ADCY2: variants seen among roughly 807,000 people sequenced by gnomAD.
ADCY2 encodes adenylate cyclase 2.
ADCY2 carries 31 observed loss-of-function variants against 125.2 expected under a neutral mutation model. That is an observed-to-expected ratio of 0.25 (90% CI 0.19 to 0.33). The LOEUF is 0.33. Ranked by LOEUF, ADCY2 falls within the 10% of genes least tolerant of loss-of-function variation. The pLI, the probability that ADCY2 is intolerant of heterozygous loss-of-function variation, is 1.00. For missense variants in ADCY2, 904 were observed against 1,418.2 expected, an observed-to-expected ratio of 0.64 and a Z score of 5.82; for synonymous variants, 512 against 548.4, an observed-to-expected ratio of 0.93 and a Z score of 0.93.
intron 16 of ADCY2, among the ~76,000 whole-genome samples, chr5:7,760,976 C>T (rs1466329026): frequency 6.6e-6 from 1 of 151,966 alleles, no homozygotes; most frequent in Non-Finnish European, 1.5e-5. Context: ...TGTTTTATTC[C>T]ACGTATGAGA....
intron 2 of ADCY2, among the ~76,000 whole-genome samples, chr5:7,465,855 G>A (rs1003742472): frequency 1.3e-5 from 2 of 152,132 alleles, no homozygotes; most frequent in African/African-American, 2.4e-5. Context: ...ATTGAAGAGG[G>A]GGTGTTACAT....
chr5:7,757,634 T>C lies in ADCY2; in HGVS notation c.2094+48T>C, dbSNP rs760741738. 1.0e-5 allele frequency: 16 copies of C among 1,598,052 alleles called. 1 individual carries two copies. The South Asian group carries it at 1.1e-4, about 11-fold the overall frequency. On this transcript the variant is annotated intron_variant, in intron 16 of 24. Transcript: ENST00000338316. ...GTTCAACATGGTAAGCCCCAGAGCA[T>C]GGCCGTGTTCAACATGGTAAGCCCC...
intron 2 of ADCY2, among the ~76,000 whole-genome samples, chr5:7,465,143 G>A (rs1023851067): frequency 3.3e-5 from 5 of 152,152 alleles, no homozygotes; most frequent in Non-Finnish European, 7.3e-5. Flanking sequence ...CACAACACGT[G>A]GGAATTATGG....
At chr5:7,539,133 G>T (rs1189444663) in intron 3 of ADCY2, among the ~76,000 whole-genome samples, 1 of 152,002 alleles carries the variant, frequency 6.6e-6, no homozygotes, top group Non-Finnish European at 1.5e-5. Flanking sequence ...AAAGTGCTGG[G>T]ATGACAGGTG....
intron 3 of ADCY2, among the ~76,000 whole-genome samples, chr5:7,606,090 C>T (rs1049450920): frequency 6.6e-6 from 1 of 151,064 alleles, no homozygotes; most frequent in Non-Finnish European, 1.5e-5. Context: ...TTGTCTTTGG[C>T]TCTGTTTATA....
chr5:7,608,215 CTA>C (rs892142502), intron 3 of ADCY2, among the ~76,000 whole-genome samples: 1 of 152,160 alleles, frequency 6.6e-6, no homozygotes, highest in Non-Finnish European at 1.5e-5. Flanking sequence ...TAAATTGTCT[CTA>C]TAGTAAGAAA....
At chr5:7,713,387 G>A (rs780154569) in intron 11 of ADCY2, among the ~76,000 whole-genome samples, 1 of 151,906 alleles carries the variant, frequency 6.6e-6, no homozygotes, top group Non-Finnish European at 1.5e-5. Flanking sequence ...CCAGCTACTC[G>A]GGAGGCTGAG....
intron 19 of ADCY2, among the ~76,000 whole-genome samples, chr5:7,785,450 A>G (rs1045479599): frequency 2.0e-5 from 3 of 152,118 alleles, no homozygotes; most frequent in Admixed American, 2.0e-4. Flanking sequence ...GTCCTGCTGC[A>G]AAGCTGTTTG....
intron 3 of ADCY2, among the ~76,000 whole-genome samples, chr5:7,535,127 G>A (rs1185573702): frequency 7.2e-5 from 11 of 152,192 alleles, no homozygotes; most frequent in African/African-American, 1.9e-4. Flanking sequence ...CGCAACCTCC[G>A]CCTCTCAGGT....
chr5:7,593,132 G>A (rs186712367), intron 3 of ADCY2, among the ~76,000 whole-genome samples: 29 of 152,284 alleles, frequency 1.9e-4, no homozygotes, highest in African/African-American at 6.7e-4. Flanking sequence ...TGGGGGATGA[G>A]CGCAAATCGA....
At chr5:7,710,032 A>C (rs1394590729) in intron 10 of ADCY2, among the ~76,000 whole-genome samples, 1 of 152,214 alleles carries the variant, frequency 6.6e-6, no homozygotes, top group Non-Finnish European at 1.5e-5. Context: ...GTAAAATTTC[A>C]TGTATAATGC....
At chr5:7,720,156 C>A (rs1579353938) in intron 12 of ADCY2, among the ~76,000 whole-genome samples, 1 of 151,988 alleles carries the variant, frequency 6.6e-6, no homozygotes. Context: ...ACACACATTC[C>A]CTCTCCCTTC....
intron 4 of ADCY2, among the ~76,000 whole-genome samples, chr5:7,666,799 C>G (rs1465981231): frequency 6.6e-6 from 1 of 152,216 alleles, no homozygotes; most frequent in Non-Finnish European, 1.5e-5. Context: ...TCCATCCTCT[C>G]CCACTGTGGG....
intron 2 of ADCY2, among the ~76,000 whole-genome samples, chr5:7,498,715 T>C (rs1400374965): frequency 6.6e-6 from 1 of 152,200 alleles, no homozygotes. Context: ...ATCAAAGATA[T>C]GTACAAGAAT....
intron 3 of ADCY2, among the ~76,000 whole-genome samples, chr5:7,523,128 G>A (rs1472531): frequency 0.091 from 13,807 of 152,036 alleles, 728 homozygotes; most frequent in South Asian, 0.24. Context: ...TGGTGCAGAT[G>A]TAATAGGACA....
At position 7,567,253 on chromosome 5, in the gene ADCY2, A is replaced by C. The variant is rs1004647908; in HGVS notation, c.570+46354A>C. On this transcript the variant is annotated intron_variant, in intron 3 of 24. Transcript: ENST00000338316. ...TGAGGGGCAGTAGTTCTTGATGCTT[A>C]TGTATTTTGAATTAGCTCCCAAGAA... Among the ~76,000 whole-genome samples, 153 of 152,282 alleles carry C rather than the reference A, an allele frequency of 1.0e-3. 1 individual carries two copies. Among genetic ancestry groups the C allele is most frequent in the Non-Finnish European group, 7.1e-4 (48 of 68,004 alleles).
chr5:7,618,822 G>T (rs1040471695), intron 3 of ADCY2, among the ~76,000 whole-genome samples: 5 of 152,180 alleles, frequency 3.3e-5, no homozygotes, highest in Non-Finnish European at 4.4e-5. Flanking sequence ...ATATTGGTTG[G>T]TGCAGATCAT....
intron 4 of ADCY2, among the ~76,000 whole-genome samples, chr5:7,663,702 C>T (rs1355691223): frequency 1.3e-5 from 2 of 152,204 alleles, no homozygotes; most frequent in African/African-American, 4.8e-5. Context: ...AGATGGACCG[C>T]TGCATGAGGC....
Position 7,457,295 on chromosome 5 carries a change from C to T in ADCY2, c.408+42525C>T, listed in dbSNP as rs896138499. Reference sequence around the variant, plus strand: ...AGAAATTAGTGGTTAAACAAGCATGCGGGCTTCCCAGGTGATTCCTCTGGC... The same window carrying T: ...AGAAATTAGTGGTTAAACAAGCATGTGGGCTTCCCAGGTGATTCCTCTGGC... On this transcript the variant is annotated intron_variant, in intron 2 of 24. Coordinates refer to ENST00000338316, the MANE Select transcript of ADCY2 (RefSeq NM_020546.3). Among the ~76,000 whole-genome samples the T allele has an allele frequency of 3.3e-5, 5 of 152,120 alleles. 1 individual carries two copies. Among genetic ancestry groups the T allele is most frequent in the East Asian group, 3.9e-4 (2 of 5,188 alleles).
Sources: allele counts gnomAD v4.1 joint callset (sites outside exome capture counted in the v4.1 genomes callset), GRCh38; gene constraint gnomAD v4.1.1; transcripts MANE v1.5; gene names NCBI Gene and HGNC (gene_info 2026-07-23, HGNC 2026-07-21).